The following FNTB variants were observed in gnomAD, a reference collection of about 807,000 sequenced individuals.
FNTB encodes the protein protein farnesyltransferase subunit beta.
FNTB carries 27 observed loss-of-function variants against 59.4 expected under a neutral mutation model. The ratio of observed to expected loss-of-function variants is 0.45; its 90% CI spans 0.34 to 0.63. FNTB has a LOEUF of 0.63. Ranked by LOEUF, FNTB falls within the 20% of genes least tolerant of loss-of-function variation. FNTB has a pLI of 0.02. For synonymous variants in FNTB, 230 were observed against 220.7 expected (o/e 1.04, Z -0.37); for missense variants, 449 against 559.6 (o/e 0.80, Z 1.99).
chr14:65,029,469 T>C lies in FNTB; in HGVS notation c.605+1688T>C, dbSNP rs1241580678. On this transcript the variant is annotated intron_variant, in intron 6 of 11. Coordinates refer to ENST00000246166, the MANE Select transcript of FNTB (RefSeq NM_002028.4). This position sits in a 1 kb window ranked among gnomAD's most constrained non-coding sequence, Gnocchi z 4.7. ...CTGCTCTGTTACACTGCTGATAGTTTCAGAGATGAGCCTACTCAAGGGTCT... is the reference window on the plus strand; with the variant it reads ...CTGCTCTGTTACACTGCTGATAGTTCCAGAGATGAGCCTACTCAAGGGTCT... Among the ~76,000 whole-genome samples, 1 of 152,216 alleles carries C rather than the reference T, an allele frequency of 6.6e-6. No individual in the cohort carries two copies. Among genetic ancestry groups the C allele is most frequent in the Admixed American group, 6.5e-5 (1 of 15,282 alleles).
chr14:64,990,613 C>G lies in FNTB; in HGVS notation c.144+3516C>G, dbSNP rs954524072. ...CCTGCCCACATCTTTGTAAATAGTT[C>G]CTTTATAAACTCTCCTCAAATCACC... On this transcript the variant is annotated intron_variant, in intron 1 of 11. Transcript: ENST00000246166. The surrounding 1 kb of genome is among the most constrained non-coding windows in gnomAD (Gnocchi z 5.2). 2.0e-5 allele frequency among the ~76,000 whole-genome samples: 3 copies of G among 152,184 alleles called. No individual in the cohort carries two copies. The East Asian group carries it at 5.8e-4, about 29-fold the overall frequency.
At chr14:65,037,744 A>ATTTTTTT (rs752876214) in intron 7 of FNTB, among the ~76,000 whole-genome samples, 5 of 59,008 alleles carry the variant, frequency 8.5e-5, no homozygotes, top group Non-Finnish European at 1.7e-4. Flanking sequence ...TTTATTTATT[A>ATTTTTTT]TTTATTTATT....
Position 65,030,997 on chromosome 14 carries a change from G to A in FNTB, c.606-1613G>A, listed in dbSNP as rs181104486. Among the ~76,000 whole-genome samples, 24 of 151,906 alleles carry A rather than the reference G, an allele frequency of 1.6e-4. No individual in the cohort carries two copies. Among genetic ancestry groups the A allele is most frequent in the African/African-American group, 5.3e-4 (22 of 41,442 alleles). ...TAATTTTTGTATTTTTAGTAGAGAC[G>A]AGGTCTCACCATGTTGGCCAGGCTA... On this transcript the variant is annotated intron_variant, in intron 6 of 11. Coordinates refer to ENST00000246166, the MANE Select transcript of FNTB (RefSeq NM_002028.4). The surrounding 1 kb of genome is among the most constrained non-coding windows in gnomAD (Gnocchi z 4.5).
intron 1 of FNTB, among the ~76,000 whole-genome samples, chr14:64,988,589 C>G (rs748420015): frequency 5.9e-5 from 9 of 151,972 alleles, no homozygotes; most frequent in Admixed American, 1.3e-4. Flanking sequence ...CGCCCACCAC[C>G]ACGCCTGGCT....
chr14:64,998,133 C>T (rs1414078755), intron 1 of FNTB, among the ~76,000 whole-genome samples: 6 of 152,184 alleles, frequency 3.9e-5, no homozygotes, highest in Non-Finnish European at 8.8e-5. Context: ...AAGAAAAGTA[C>T]GTTACTGTTT....
rs2062049279 is a variant in FNTB, at chr14:65,030,030, C to T, written c.605+2249C>T. ...GGGTGGAGGGAAAGGGGGAGAAATA[C>T]ATGAAAAGGTTGTATTACGTTTCCT... On this transcript the variant is annotated intron_variant, in intron 6 of 11. Transcript: ENST00000246166. The surrounding 1 kb of genome is among the most constrained non-coding windows in gnomAD (Gnocchi z 4.5). Among the ~76,000 whole-genome samples, 1 of 152,108 alleles carries T rather than the reference C, an allele frequency of 6.6e-6. No individual in the cohort carries two copies. Among genetic ancestry groups the T allele is most frequent in the South Asian group, 2.1e-4 (1 of 4,820 alleles).
At chr14:65,006,368 A>G (rs2061590441) in intron 2 of FNTB, 2 of 1,574,826 alleles carry the variant, frequency 1.3e-6, no homozygotes, top group Non-Finnish European at 1.7e-6. Context: ...CATTAACCCA[A>G]TGCTCTGACC....
At position 65,012,736 on chromosome 14, in the gene FNTB, A is replaced by G. The variant is rs146268077; in HGVS notation, c.282+347A>G. Reference sequence around the variant, plus strand: ...ACCCTTTGCCCTATAAGCTGATCTAATTTCTCGCTCATTTATTGAGGACTA... The same window carrying G: ...ACCCTTTGCCCTATAAGCTGATCTAGTTTCTCGCTCATTTATTGAGGACTA... On this transcript the variant is annotated intron_variant, in intron 3 of 11. Transcript: ENST00000246166. This position sits in a 1 kb window ranked among gnomAD's most constrained non-coding sequence, Gnocchi z 5.0. Among the ~76,000 whole-genome samples, 16 of 152,326 alleles carry G rather than the reference A, an allele frequency of 1.1e-4. No individual in the cohort carries two copies. The highest frequency in any genetic ancestry group is 3.8e-4 in the African/African-American group (16 of 41,574).
Position 64,991,004 on chromosome 14 carries a change from T to A in FNTB, c.144+3907T>A, listed in dbSNP as rs1297325929. On this transcript the variant is annotated intron_variant, in intron 1 of 11. Coordinates refer to ENST00000246166, the MANE Select transcript of FNTB (RefSeq NM_002028.4). The surrounding 1 kb of genome is among the most constrained non-coding windows in gnomAD (Gnocchi z 4.4). ...GTTGTATTGTTAGTGCCTGCCTTCC[T>A]TATTGTGCCATCTGGAATCATCCCA... Among the ~76,000 whole-genome samples, 1 of 152,192 alleles carries A rather than the reference T, an allele frequency of 6.6e-6. No homozygotes were observed. Among genetic ancestry groups the A allele is most frequent in the Non-Finnish European group, 1.5e-5 (1 of 68,032 alleles).
intron 1 of FNTB, among the ~76,000 whole-genome samples, chr14:64,996,571 A>G (rs1364247626): frequency 6.6e-6 from 1 of 152,224 alleles, no homozygotes; most frequent in African/African-American, 2.4e-5. Context: ...CTAAAAACCA[A>G]TGAACTTTGA....
chr14:65,056,406 A>G (rs577448372), intron 11 of FNTB, among the ~76,000 whole-genome samples: 15 of 152,130 alleles, frequency 9.9e-5, no homozygotes, highest in African/African-American at 3.4e-4. Flanking sequence ...CCAGGAGGGG[A>G]CCTGCTGGGT....
intron 2 of FNTB, 62 bp downstream of exon 2, chr14:65,004,375 T>G: frequency 6.5e-7 from 1 of 1,549,516 alleles, no homozygotes; most frequent in South Asian, 1.2e-5. Flanking sequence ...CAGCCTTTCT[T>G]CTTTCCTCCT....
At position 65,007,534 on chromosome 14, in the gene FNTB, T is replaced by G. The variant is rs917316351; in HGVS notation, c.209+3221T>G. On this transcript the variant is annotated intron_variant, in intron 2 of 11. Coordinates refer to ENST00000246166, the MANE Select transcript of FNTB (RefSeq NM_002028.4). The surrounding 1 kb of genome is among the most constrained non-coding windows in gnomAD (Gnocchi z 4.9). ...AGCAGACTGGGCTGAAAGTCAAGCC[T>G]GGAGCTGAATGTCAGTACATTCTAT... Among the ~76,000 whole-genome samples the G allele has an allele frequency of 6.6e-6, 1 of 152,234 alleles. No homozygotes were observed. The highest frequency in any genetic ancestry group is 2.4e-5 in the African/African-American group (1 of 41,470).
chr14:65,033,935 A>T (rs2062138312), intron 7 of FNTB, among the ~76,000 whole-genome samples: 1 of 152,204 alleles, frequency 6.6e-6, no homozygotes, highest in South Asian at 2.1e-4. Context: ...TGTTTTAGTT[A>T]AAAAAATTTT....
In FNTB at chr14:65,027,341, C is replaced by A. The variant is rs1034096026; in HGVS notation, c.375-112C>A. The A allele has an allele frequency of 2.0e-6, 3 of 1,525,376 alleles. No homozygotes were observed. Among genetic ancestry groups the A allele is most frequent in the Middle Eastern group, 1.9e-4 (1 of 5,346 alleles). 94.5% of individuals were successfully genotyped at this position (1,525,376 alleles called of 1,614,324 possible). A position where few individuals can be genotyped will look rare whatever the true frequency, so the allele number is the denominator to read the frequency against. On this transcript the variant is annotated intron_variant, in intron 4 of 11. Transcript: ENST00000246166. This position sits in a 1 kb window ranked among gnomAD's most constrained non-coding sequence, Gnocchi z 5.7. Reference sequence around the variant, plus strand: ...AACAAGTGGGAGGAGAGGTTCCCCTCAACTTTTGAGGGAGTGGGGGATCAT... The same window carrying A: ...AACAAGTGGGAGGAGAGGTTCCCCTAAACTTTTGAGGGAGTGGGGGATCAT...
chr14:65,008,183 C>A (rs535270398), intron 2 of FNTB, among the ~76,000 whole-genome samples: 1 of 152,300 alleles, frequency 6.6e-6, no homozygotes, highest in African/African-American at 2.4e-5. Context: ...CTAGAGAGGC[C>A]CCTGGCTTTA....
rs35665482 is a variant in FNTB, at chr14:64,991,017, T to TG, written c.144+3922dup. Among the ~76,000 whole-genome samples the TG allele has an allele frequency of 6.6e-6, 1 of 152,208 alleles. No individual in the cohort carries two copies. The highest frequency in any genetic ancestry group is 1.5e-5 in the Non-Finnish European group (1 of 68,038). On this transcript the variant is annotated intron_variant, in intron 1 of 11. Coordinates refer to ENST00000246166, the MANE Select transcript of FNTB (RefSeq NM_002028.4). The surrounding 1 kb of genome is among the most constrained non-coding windows in gnomAD (Gnocchi z 4.4). ...TGCCTGCCTTCCTTATTGTGCCATCTGGAATCATCCCATTGCAGACACTCT... is the reference window on the plus strand; with the variant it reads ...TGCCTGCCTTCCTTATTGTGCCATCTGGGAATCATCCCATTGCAGACACTCT...
chr14:65,058,310 T>C (rs2062787885), intron 11 of FNTB, among the ~76,000 whole-genome samples: 1 of 152,104 alleles, frequency 6.6e-6, no homozygotes. Flanking sequence ...ATGTCTCTTG[T>C]GACTGGAATC....
intron 4 of FNTB, among the ~76,000 whole-genome samples, chr14:65,024,051 G>A (rs1196330207): frequency 2.0e-5 from 3 of 151,162 alleles, no homozygotes; most frequent in Non-Finnish European, 2.9e-5. Context: ...GCAGTGAGCT[G>A]AGATCGCTCA....
Sources: gnomAD v4.1 joint callset for allele counts (sites outside exome capture counted in the v4.1 genomes callset) on GRCh38, gnomAD v4.1.1 for gene constraint, Gnocchi (gnomAD v3.1) non-coding constraint, MANE v1.5 for transcripts, NCBI Gene and HGNC (gene_info 2026-07-23, HGNC 2026-07-21) for gene names.